Variants in PLPPR3 observed in about 807,000 individuals in gnomAD.
PLPPR3 encodes phospholipid phosphatase-related protein type 3.
Under a neutral mutation model 27.3 loss-of-function variants are expected in PLPPR3, and 14 were observed. The ratio of observed to expected loss-of-function variants is 0.51; its 90% CI spans 0.34 to 0.80. PLPPR3 has a LOEUF of 0.80. Ranked by LOEUF, PLPPR3 falls within the 30% of genes least tolerant of loss-of-function variation. PLPPR3 has a pLI of 0.01. For missense variants in PLPPR3, 1,287 were observed against 1,056.9 expected, an observed-to-expected ratio of 1.22 and a Z score of -3.02; for synonymous variants, 671 against 508.0, an observed-to-expected ratio of 1.32 and a Z score of -4.32.
chr19:819,196 C>G lies in PLPPR3; in HGVS notation c.75+2289G>C, dbSNP rs1311433424. 2.0e-5 allele frequency among the ~76,000 whole-genome samples: 2 copies of G among 100,848 alleles called. 1 individual carries two copies. The highest frequency in any genetic ancestry group is 9.5e-5 in the African/African-American group (2 of 21,012). 66.2% of individuals were successfully genotyped at this position (100,848 alleles called of 152,430 possible). A position where few individuals can be genotyped will look rare whatever the true frequency, so the allele number is the denominator to read the frequency against. ...TTCACCACATTGGCCAGACTGGTCTCAAACTCCTGACCTCAGGTGATCTGC... is the reference window on the plus strand; with the variant it reads ...TTCACCACATTGGCCAGACTGGTCTGAAACTCCTGACCTCAGGTGATCTGC... On this transcript the variant is annotated intron_variant, in intron 2 of 7. Coordinates refer to ENST00000520876, the MANE Select transcript of PLPPR3 (RefSeq NM_001270366.2).
At chr19:820,684 T>C (rs997527008) in intron 2 of PLPPR3, among the ~76,000 whole-genome samples, 1 of 152,084 alleles carries the variant, frequency 6.6e-6, no homozygotes. Context: ...CATACCCGGC[T>C]AATTTTTTTG....
chr19:815,427 G>A, intron 3 of PLPPR3, 100 bp from the exon 4 acceptor site: 1 of 1,334,730 alleles, frequency 7.5e-7, no homozygotes, highest in Non-Finnish European at 9.8e-7. Context: ...ACAGGCCCCG[G>A]TGTGGATGTT....
At chr19:816,948 C>G (rs554563143) in intron 2 of PLPPR3, among the ~76,000 whole-genome samples, 3 of 142,354 alleles carry the variant, frequency 2.1e-5, no homozygotes, top group East Asian at 2.5e-4. Flanking sequence ...ATCCACCTAT[C>G]CATCCACCCA....
intron 2 of PLPPR3, among the ~76,000 whole-genome samples, chr19:818,680 C>T (rs970342908): frequency 6.6e-6 from 1 of 151,550 alleles, no homozygotes; most frequent in African/African-American, 2.4e-5. Context: ...ACTACAGGCG[C>T]CCGCCACCGC....
upstream of PLPPR3, among the ~76,000 whole-genome samples, chr19:823,316 C>G (rs535274438): frequency 6.6e-6 from 1 of 151,376 alleles, no homozygotes; most frequent in Non-Finnish European, 1.5e-5. Flanking sequence ...GTGGCAGGCG[C>G]CTGTAATCCC....
chr19:823,450 A>AAAAAAAAC (rs71174324), upstream of PLPPR3, among the ~76,000 whole-genome samples: 1 of 143,838 alleles, frequency 7.0e-6, no homozygotes, highest in Admixed American at 7.1e-5. Flanking sequence ...TCAAAAAAAA[A>AAAAAAAAC]AAAAAAAACA....
rs1396840089 is a variant in PLPPR3, at chr19:813,040, T to C, written c.1687A>G (p.Ser563Gly). The C allele has an allele frequency of 1.3e-6, 2 of 1,513,590 alleles. No individual in the cohort carries two copies. Among genetic ancestry groups the C allele is most frequent in the East Asian group, 2.7e-5 (1 of 37,708 alleles). 93.8% of individuals were successfully genotyped at this position (1,513,590 alleles called of 1,614,324 possible). A position where few individuals can be genotyped will look rare whatever the true frequency, so the allele number is the denominator to read the frequency against. ...AAETASSSSASSDSSQYRSPS... is the reference protein window; with the variant it reads ...AAETASSSSAGSDSSQYRSPS... ...GACCGGTACTGCGAGGAGTCGGAGC[T>C]GGCGCTGGACGACGACGCCGTCTCG... Residue 563 changes from serine to glycine, a missense_variant, in exon 8 of 8, where the codon AGC becomes GGC. By Grantham distance (56) the Ser-to-Gly change is moderately conservative. Transcript: ENST00000520876. The surrounding 1 kb of genome is among the most constrained non-coding windows in gnomAD (Gnocchi z 4.1).
chr19:820,517 T>C (rs1201401566), intron 2 of PLPPR3, among the ~76,000 whole-genome samples: 1 of 141,382 alleles, frequency 7.1e-6, no homozygotes, highest in Non-Finnish European at 1.5e-5. Context: ...ATTACATTTA[T>C]TGTCTTCTTT....
rs200520883 is a variant in PLPPR3, at chr19:813,440, G to T, written c.1287C>A (p.Pro429=). The change falls in exon 8 of 8, where the codon CCC becomes CCA. Residue 429 remains proline (P), a synonymous_variant. Coordinates refer to ENST00000520876, the MANE Select transcript of PLPPR3 (RefSeq NM_001270366.2). The surrounding 1 kb of genome is among the most constrained non-coding windows in gnomAD (Gnocchi z 4.1). ...RGLGLPDDAS[P]GHLRAPAEPM... is the part of the protein sequence containing the mutation. ...GTTCGGCGGGCGCGCGCAGGTGCCCGGGGCTGGCGTCGTCGGGCAGCCCCA... is the reference window on the plus strand; with the variant it reads ...GTTCGGCGGGCGCGCGCAGGTGCCCTGGGCTGGCGTCGTCGGGCAGCCCCA... 5.3e-6 allele frequency: 8 copies of T among 1,520,328 alleles called. No individual in the cohort carries two copies. Among genetic ancestry groups the T allele is most frequent in the Non-Finnish European group, 7.0e-6 (8 of 1,140,260 alleles). The allele number at this position is 1,520,328 out of a possible 1,614,324, so 94.2% of individuals were successfully genotyped here.
Position 813,382 on chromosome 19 carries a change from C to T in PLPPR3, c.1345G>A (p.Glu449Lys), listed in dbSNP as rs750649743. The part of the protein sequence containing the change: ...MAEEEEEEED[E>K]EEEEEEEEEE... ...TCTTCCTCCTCCTCCTCTTCCTCTT[C>T]GTCCTCCTCCTCTTCCTCCTCCTCC... Residue 449 changes from glutamate to lysine, a missense_variant, in exon 8 of 8, where the codon GAA (glutamate) becomes AAA (lysine). Glu to Lys is a moderately conservative substitution (Grantham distance 56, BLOSUM62 1). Coordinates refer to ENST00000520876, the MANE Select transcript of PLPPR3 (RefSeq NM_001270366.2). This position sits in a 1 kb window ranked among gnomAD's most constrained non-coding sequence, Gnocchi z 4.1. 27 of 1,498,442 alleles carry T rather than the reference C, an allele frequency of 1.8e-5. 1 individual carries two copies. The South Asian group carries it at 3.3e-4, about 18-fold the overall frequency. 92.8% of individuals were successfully genotyped at this position (1,498,442 alleles called of 1,614,324 possible).
Position 813,911 on chromosome 19 carries a change from G to C in PLPPR3, c.832-16C>G, listed in dbSNP as rs531540217. ...CGTGGCAGGCCTGTCGGGGAGAGGGGTCTGGGGGTGAGGCCTGGGGCTCAG... is the reference window on the plus strand; with the variant it reads ...CGTGGCAGGCCTGTCGGGGAGAGGGCTCTGGGGGTGAGGCCTGGGGCTCAG... On this transcript the variant is annotated splice_polypyrimidine_tract_variant and intron_variant, in intron 7 of 7. Transcript: ENST00000520876. This position sits in a 1 kb window ranked among gnomAD's most constrained non-coding sequence, Gnocchi z 4.1. 1.4e-4 allele frequency: 205 copies of C among 1,423,046 alleles called. No individual in the cohort carries two copies. The African/African-American group carries it at 3.0e-3, about 20-fold the overall frequency. The allele number at this position is 1,423,046 out of a possible 1,614,324, so 88.2% of individuals were successfully genotyped here.
intron 3 of PLPPR3, 112 bp downstream of exon 3, chr19:815,554 C>A (rs991572689): frequency 8.1e-7 from 1 of 1,236,440 alleles, no homozygotes; most frequent in Non-Finnish European, 1.1e-6. Context: ...GCACAGGCCC[C>A]GGTGTGGATG....
chr19:812,499 C>G lies in PLPPR3; in HGVS notation c.*71G>C. On this transcript the variant is annotated 3_prime_UTR_variant, in exon 8 of 8. Coordinates refer to ENST00000520876, the MANE Select transcript of PLPPR3 (RefSeq NM_001270366.2). ...CCAAGAGCCGGACCTCGGTTTCTGC[C>G]GCTTTATTGAGCATCCGCGCGGCCG... The G allele has an allele frequency of 2.0e-6, 2 of 980,104 alleles. No homozygotes were observed. The highest frequency in any genetic ancestry group is 2.4e-6 in the Non-Finnish European group (2 of 823,558). The allele number at this position is 980,104 out of a possible 1,614,324, so 60.7% of individuals were successfully genotyped here.
Position 814,551 on chromosome 19 carries a change from G to C in PLPPR3, c.714C>G (p.Val238=), listed in dbSNP as rs370994058. 3.1e-6 allele frequency: 5 copies of C among 1,612,176 alleles called. No individual in the cohort carries two copies. The highest frequency in any genetic ancestry group is 4.2e-6 in the Non-Finnish European group (5 of 1,179,996). ...DTTKLLKPIL[V]FAFAIAAGVC... is the part of the protein sequence containing the mutation. ...CGCCCGCGGCGATGGCAAAGGCGAA[G>C]ACCAGGATGGGCTTCAGCAGCTTGG... Residue 238 remains valine (V), a synonymous_variant, in exon 7 of 8, where the codon GTC becomes GTG. Coordinates refer to ENST00000520876, the MANE Select transcript of PLPPR3 (RefSeq NM_001270366.2).
intron 7 of PLPPR3, 63 bp downstream of exon 7, chr19:814,371 C>G (rs1215274299): frequency 2.0e-6 from 3 of 1,489,606 alleles, no homozygotes; most frequent in Non-Finnish European, 2.7e-6. Context: ...TGTGGGCACT[C>G]ATGCCTCCCC....
chr19:814,697 CAT>C lies in PLPPR3; in HGVS notation c.650_651del (p.Tyr217CysfsTer102). The C allele has an allele frequency of 2.5e-6, 4 of 1,598,480 alleles. No homozygotes were observed. The highest frequency in any genetic ancestry group is 2.6e-6 in the Non-Finnish European group (3 of 1,175,426). On this transcript the variant is annotated frameshift_variant, in exon 6 of 8. Transcript: ENST00000520876. LOFTEE classifies it high-confidence loss of function. ...HATLSAFAAV[Y>X]VSMYFNSVIS... ...CAGTGAGGGGCCGGACTCACCGACA[CAT>C]AGACCGCGGCGAAGGCTGACAGCGT...
At chr19:815,991 T>G in intron 2 of PLPPR3, 140 bp from the exon 3 acceptor site, 1 of 793,280 alleles carries the variant, frequency 1.3e-6, no homozygotes, top group Middle Eastern at 3.6e-4. Context: ...CTTTCCCCCA[T>G]GAGTTATTCA....
At position 821,554 on chromosome 19, in the gene PLPPR3, G is replaced by T; in HGVS notation, c.6C>A (p.Ile2=). Residue 2 remains isoleucine, a synonymous_variant, in exon 2 of 8, where the codon ATC becomes ATA. Transcript: ENST00000520876. ...GGATCTTGTTCTTCTCCTTGGTGGA[G>T]ATCATGGTGCCGCGGGCGCCGCAGG... M[I]STKEKNKIPK... is the part of the protein sequence containing the mutation. 6.7e-7 allele frequency: 1 copy of T among 1,487,680 alleles called. No individual in the cohort carries two copies. The highest frequency in any genetic ancestry group is 9.0e-7 in the Non-Finnish European group (1 of 1,112,702). The allele number at this position is 1,487,680 out of a possible 1,614,324, so 92.2% of individuals were successfully genotyped here. A position where few individuals can be genotyped will look rare whatever the true frequency, so the allele number is the denominator to read the frequency against.
rs755969666 is a variant in PLPPR3 at position 812,675 on chromosome 19, G to T, written c.2052C>A (p.Ser684=). Residue 684 remains serine, a synonymous_variant, in exon 8 of 8, where the codon TCC becomes TCA. Transcript: ENST00000520876. ...GGCCGCCCGCGTGGCGCCGCAGCGT[G>T]GACTCCCGGCTGCCCGGGCCCAGCG... The part of the protein sequence containing the change: ...DGALGPGSRE[S]TLRRHAGGLG... The T allele has an allele frequency of 1.3e-5, 14 of 1,054,672 alleles. No homozygotes were observed. Among genetic ancestry groups the T allele is most frequent in the Middle Eastern group, 4.5e-4 (1 of 2,232 alleles). The allele number at this position is 1,054,672 out of a possible 1,614,324, so 65.3% of individuals were successfully genotyped here.
Sources: allele counts gnomAD v4.1 joint callset (sites outside exome capture counted in the v4.1 genomes callset), GRCh38; gene constraint gnomAD v4.1.1; non-coding constraint Gnocchi (gnomAD v3.1); transcripts MANE v1.5; gene names NCBI Gene and HGNC (gene_info 2026-07-23, HGNC 2026-07-21).